The following MGAT4C variants were observed in gnomAD, a reference collection of about 807,000 sequenced individuals.
The protein encoded by MGAT4C is alpha-1,3-mannosyl-glycoprotein 4-beta-N-acetylglucosaminyltransferase C.
A neutral mutation model predicts 40.1 loss-of-function variants in MGAT4C; 19 were observed. The ratio of observed to expected loss-of-function variants is 0.47; its 90% CI spans 0.33 to 0.70. MGAT4C has a LOEUF of 0.70. MGAT4C is among the 30% of genes least tolerant of loss of function. MGAT4C has a pLI of 0.02. For synonymous variants in MGAT4C, 181 were observed against 187.1 expected, an observed-to-expected ratio of 0.97 and a Z score of 0.27; for missense variants, 491 against 563.2, an observed-to-expected ratio of 0.87 and a Z score of 1.30.
At chr12:86,803,487 C>A (rs974447645) in intron 1 of MGAT4C, among the ~76,000 whole-genome samples, 1 of 151,992 alleles carries the variant, frequency 6.6e-6, no homozygotes, top group African/African-American at 2.4e-5. Flanking sequence ...CAACCTACAA[C>A]ATGGAAGAAA....
intron 2 of MGAT4C, among the ~76,000 whole-genome samples, chr12:85,994,619 C>T (rs763135318): frequency 2.6e-5 from 4 of 151,784 alleles, no homozygotes; most frequent in Admixed American, 6.6e-5. Flanking sequence ...AAAAATCCCC[C>T]CCCAGCCGCC....
intron 2 of MGAT4C, among the ~76,000 whole-genome samples, chr12:86,516,227 A>T (rs542874645): frequency 6.6e-6 from 1 of 152,340 alleles, no homozygotes; most frequent in African/African-American, 2.4e-5. Flanking sequence ...AATCAAGATG[A>T]CATGGTGCTT....
intron 3 of MGAT4C, among the ~76,000 whole-genome samples, chr12:86,388,105 C>A (rs1206597823): frequency 2.0e-5 from 3 of 152,014 alleles, no homozygotes; most frequent in African/African-American, 4.8e-5. Flanking sequence ...CTGATTCCTG[C>A]AAAGCCATTT....
intron 1 of MGAT4C, among the ~76,000 whole-genome samples, chr12:86,128,943 T>C (rs1413069126): frequency 1.3e-5 from 2 of 152,170 alleles, no homozygotes; most frequent in South Asian, 2.1e-4. Context: ...TTCCCCACTT[T>C]GGCTTTTTGT....
chr12:86,727,686 T>C (rs548969564), intron 1 of MGAT4C, among the ~76,000 whole-genome samples: 4 of 152,250 alleles, frequency 2.6e-5, no homozygotes, highest in African/African-American at 9.6e-5. Context: ...TATTAAAGCA[T>C]GTTATTGAAA....
intron 2 of MGAT4C, among the ~76,000 whole-genome samples, chr12:86,438,545 T>C (rs1054220696): frequency 6.6e-6 from 1 of 151,946 alleles, no homozygotes; most frequent in African/African-American, 2.4e-5. Context: ...ATGGCATCCC[T>C]ATAAAACAAT....
chr12:86,680,323 A>G (rs1949958282), intron 2 of MGAT4C, among the ~76,000 whole-genome samples: 1 of 152,034 alleles, frequency 6.6e-6, no homozygotes, highest in Non-Finnish European at 1.5e-5. Flanking sequence ...TTACATTCAC[A>G]GGTTATCTCA....
rs188833123 is a variant in MGAT4C at position 86,290,644 on chromosome 12, C to T, written c.-57+43421G>A. Among the ~76,000 whole-genome samples, 5 of 151,754 alleles carry T rather than the reference C, an allele frequency of 3.3e-5. No individual in the cohort carries two copies. In the East Asian group the frequency reaches 9.7e-4, roughly 29 times the overall value. ...GACAAAATCATTTGTGCATCAAACC[C>T]CAATGACATGCAATTTACCCATGTA... is the stretch of plus-strand genomic sequence containing the variant. On this transcript the variant is annotated intron_variant, in intron 4 of 7. Transcript: ENST00000548651.
At chr12:86,717,093 CT>C (rs911495894) in intron 2 of MGAT4C, among the ~76,000 whole-genome samples, 17 of 151,666 alleles carry the variant, frequency 1.1e-4, no homozygotes, top group African/African-American at 3.6e-4. Flanking sequence ...ATGTTGTGCT[CT>C]TTTTTTGGCC....
chr12:86,045,171 G>C (rs76183430), intron 2 of MGAT4C, among the ~76,000 whole-genome samples: 6,003 of 152,174 alleles, frequency 0.039, 145 homozygotes, highest in Middle Eastern at 0.068. Context: ...CTTGGTGGCA[G>C]ATGTTCCTCC....
intron 1 of MGAT4C, among the ~76,000 whole-genome samples, chr12:86,736,750 GAAGA>G (rs974792731): frequency 4.0e-5 from 6 of 151,752 alleles, no homozygotes; most frequent in Admixed American, 6.6e-5. Context: ...CTACTTCACA[GAAGA>G]AAGAAAATCA....
At chr12:86,625,108 G>T (rs1167344672) in intron 2 of MGAT4C, among the ~76,000 whole-genome samples, 1 of 151,934 alleles carries the variant, frequency 6.6e-6, no homozygotes, top group Non-Finnish European at 1.5e-5. Context: ...ATTTTAATGG[G>T]CTATTCATAA....
At position 86,814,024 on chromosome 12, in the gene MGAT4C, C is replaced by T. The variant is rs368481232; in HGVS notation, c.-262+24642G>A. On this transcript the variant is annotated intron_variant, in intron 1 of 7. Coordinates refer to the MGAT4C transcript ENST00000548651. ...CACCCAGGTTCAAGCAATTCTCCTG[C>T]CTCAGCCTTCCAATTAGCTGGGACT... Among the ~76,000 whole-genome samples, 43 of 151,912 alleles carry T rather than the reference C, an allele frequency of 2.8e-4. No individual in the cohort carries two copies. The East Asian group carries it at 8.0e-3, about 28-fold the overall frequency.
intron 2 of MGAT4C, among the ~76,000 whole-genome samples, chr12:86,559,310 C>A (rs192352889): frequency 1.3e-4 from 20 of 151,978 alleles, no homozygotes; most frequent in Admixed American, 1.1e-3. Context: ...CATTTTACAA[C>A]AAATGGATCT....
chr12:86,833,391 C>A (rs1254432836), intron 1 of MGAT4C, among the ~76,000 whole-genome samples: 1 of 151,910 alleles, frequency 6.6e-6, no homozygotes, highest in Non-Finnish European at 1.5e-5. Context: ...TAACAATGTA[C>A]TACAGACTGG....
chr12:86,752,295 TATTAG>T (rs927621849), intron 1 of MGAT4C, among the ~76,000 whole-genome samples: 4 of 152,048 alleles, frequency 2.6e-5, no homozygotes, highest in African/African-American at 9.7e-5. Flanking sequence ...TTCCACAGTT[TATTAG>T]ATTAGGAATT....
At chr12:85,988,603 T>C (rs1046223236) in intron 3 of MGAT4C, among the ~76,000 whole-genome samples, 2 of 151,978 alleles carry the variant, frequency 1.3e-5, no homozygotes, top group African/African-American at 4.8e-5. Context: ...AGGACAGATA[T>C]TTTAGGCTCC....
At chr12:86,175,586 C>G (rs575804084) in intron 1 of MGAT4C, among the ~76,000 whole-genome samples, 1 of 152,114 alleles carries the variant, frequency 6.6e-6, no homozygotes, top group African/African-American at 2.4e-5. Context: ...AAGTACGTGG[C>G]TTTGTAATGT....
intron 1 of MGAT4C, among the ~76,000 whole-genome samples, chr12:86,836,708 C>T (rs1953044148): frequency 6.6e-6 from 1 of 151,956 alleles, no homozygotes; most frequent in Non-Finnish European, 1.5e-5. Context: ...AGCTGCCCCT[C>T]CTGATTTTCA....
Sources: gnomAD v4.1 joint callset for allele counts (sites outside exome capture counted in the v4.1 genomes callset) on GRCh38, gnomAD v4.1.1 for gene constraint, MANE v1.5 for transcripts, NCBI Gene and HGNC (gene_info 2026-07-23, HGNC 2026-07-21) for gene names.